The following NFIB variants were observed in gnomAD, a reference collection of about 807,000 sequenced individuals.
NFIB encodes the protein nuclear factor 1 B-type.
In NFIB, 11 loss-of-function variants were observed where a neutral mutation model predicts 61.5. That is an observed-to-expected ratio of 0.18 (90% CI 0.11 to 0.30). NFIB has a LOEUF of 0.30. Among genes scored for constraint, NFIB ranks in the 10% least tolerant of loss-of-function variants. NFIB has a pLI of 1.00. For synonymous variants in NFIB, 260 were observed against 216.5 expected (o/e 1.20, Z -1.76); for missense variants, 471 against 608.9 (o/e 0.77, Z 2.38).
At chr9:14,152,201 C>T (rs1186631694) in intron 4 of NFIB, among the ~76,000 whole-genome samples, 1 of 152,014 alleles carries the variant, frequency 6.6e-6, no homozygotes, top group Non-Finnish European at 1.5e-5. Context: ...ATCTATCAGC[C>T]TTCTGATAGA....
intron 1 of NFIB, among the ~76,000 whole-genome samples, chr9:14,395,641 AC>A: frequency 6.8e-6 from 1 of 147,256 alleles, no homozygotes; most frequent in African/African-American, 2.5e-5. Context: ...TCATTCTCCA[AC>A]CCAGTGGTTG....
At chr9:14,207,927 G>C (rs190853454) in intron 2 of NFIB, among the ~76,000 whole-genome samples, 1 of 152,222 alleles carries the variant, frequency 6.6e-6, no homozygotes, top group East Asian at 1.9e-4. Flanking sequence ...AAGAGCCCAA[G>C]GTCAAACATT....
chr9:14,367,817 G>T (rs2132961809), intron 1 of NFIB, among the ~76,000 whole-genome samples: 1 of 152,282 alleles, frequency 6.6e-6, no homozygotes, highest in East Asian at 1.9e-4. Context: ...CTCATAAGAG[G>T]GAGTTGAACA....
chr9:14,207,630 C>A lies in NFIB; in HGVS notation c.563-27850G>T, dbSNP rs116644659. 5.7e-3 allele frequency among the ~76,000 whole-genome samples: 870 copies of A among 152,336 alleles called. 14 individuals are homozygous for A. The highest frequency in any genetic ancestry group is 0.02 in the African/African-American group (834 of 41,568). ...AAGCCACTACCTTCCTCCTTCCCCA[C>A]AAACCTCTTCATCTCCCACCAAAGT... On this transcript the variant is annotated intron_variant, in intron 2 of 10. Coordinates refer to ENST00000380953, the MANE Select transcript of NFIB (RefSeq NM_001190737.2).
intron 2 of NFIB, among the ~76,000 whole-genome samples, chr9:14,217,447 G>A (rs918099346): frequency 3.3e-5 from 5 of 152,022 alleles, no homozygotes; most frequent in African/African-American, 1.2e-4. Context: ...GATCACCTGA[G>A]GTCAAGAGTT....
chr9:14,276,094 C>G (rs1194712002), intron 2 of NFIB, among the ~76,000 whole-genome samples: 1 of 151,836 alleles, frequency 6.6e-6, no homozygotes, highest in African/African-American at 2.4e-5. Flanking sequence ...TTTGTTTTGT[C>G]TTGTCAAGCA....
At chr9:14,257,477 C>G (rs1563950560) in intron 2 of NFIB, among the ~76,000 whole-genome samples, 1 of 152,156 alleles carries the variant, frequency 6.6e-6, no homozygotes, top group Non-Finnish European at 1.5e-5. Flanking sequence ...TAATTCTGGA[C>G]AGGTGCAGTG....
At chr9:14,295,533 A>G (rs1323921648) in intron 2 of NFIB, among the ~76,000 whole-genome samples, 1 of 152,070 alleles carries the variant, frequency 6.6e-6, no homozygotes, top group Non-Finnish European at 1.5e-5. Flanking sequence ...CGGCAAGCTG[A>G]GGCAGGAGAA....
At chr9:14,172,389 T>C (rs554169554) in intron 3 of NFIB, among the ~76,000 whole-genome samples, 4 of 152,002 alleles carry the variant, frequency 2.6e-5, no homozygotes, top group East Asian at 3.9e-4. Context: ...GAAGTTTCAA[T>C]AGACACAGAA....
At chr9:14,418,598 C>G in the NFIB span, among the ~76,000 whole-genome samples, 4 of 152,108 alleles carry the variant, frequency 2.6e-5, no homozygotes, top group African/African-American at 9.7e-5. Flanking sequence ...GCGTGTGAGC[C>G]CTGTGTCTCT....
intron 10 of NFIB, among the ~76,000 whole-genome samples, chr9:14,093,057 A>C (rs564145021): frequency 2.3e-4 from 35 of 152,066 alleles, no homozygotes; most frequent in Non-Finnish European, 4.1e-4. Flanking sequence ...CTTTTAGCTC[A>C]CTAACACCTA....
intron 2 of NFIB, among the ~76,000 whole-genome samples, chr9:14,218,533 G>C (rs1587695484): frequency 6.6e-6 from 1 of 152,258 alleles, no homozygotes; most frequent in East Asian, 1.9e-4. Flanking sequence ...ACTCCAAGTT[G>C]GGCTTCTAAC....
chr9:14,526,321 C>A, the NFIB span, among the ~76,000 whole-genome samples: 1 of 152,046 alleles, frequency 6.6e-6, no homozygotes, highest in Non-Finnish European at 1.5e-5. Flanking sequence ...AAATCTGTTC[C>A]ATTTATAAAG....
rs544162821 is a variant in NFIB, at chr9:14,125,737, G to A, written c.955C>T (p.Pro319Ser). ...DMSSPTTMKKPEKPLFSSASP... is the reference protein window; with the variant it reads ...DMSSPTTMKKSEKPLFSSASP... ...GCAGAGCTGAACAATGGCTTTTCAG[G>A]CTTCTTCATAGTAGTCGGAGAAGAC... Residue 319 changes from proline to serine, a missense_variant, in exon 7 of 11, where the codon CCT becomes TCT. By Grantham distance (74) the Pro-to-Ser change is moderately conservative. Around this residue, in one of 2 missense-constraint regions of NFIB, gnomAD observed 372 missense variants for 395.6 expected, o/e 0.94. Coordinates refer to ENST00000380953, the MANE Select transcript of NFIB (RefSeq NM_001190737.2). The A allele has an allele frequency of 1.1e-5, 17 of 1,613,978 alleles. No homozygotes were observed. Among genetic ancestry groups the A allele is most frequent in the Admixed American group, 5.0e-5 (3 of 60,002 alleles).
intron 2 of NFIB, among the ~76,000 whole-genome samples, chr9:14,219,373 C>T (rs540550874): frequency 9.3e-4 from 43 of 46,108 alleles, no homozygotes; most frequent in Non-Finnish European, 6.2e-4. Flanking sequence ...CATCTTGTAG[C>T]ACTAGGGTAA....
At chr9:14,090,602 T>A (rs2033734512) in intron 10 of NFIB, among the ~76,000 whole-genome samples, 2 of 152,034 alleles carry the variant, frequency 1.3e-5, no homozygotes, top group Non-Finnish European at 2.9e-5. Flanking sequence ...TCTTAACAAA[T>A]AAAATAAATT....
At chr9:14,167,251 C>T (rs944129562) in intron 3 of NFIB, among the ~76,000 whole-genome samples, 13 of 152,076 alleles carry the variant, frequency 8.5e-5, no homozygotes, top group African/African-American at 2.4e-4. Context: ...TATATGCATA[C>T]GTCAGAACTG....
intron 9 of NFIB, among the ~76,000 whole-genome samples, chr9:14,114,081 C>T (rs149906512): frequency 1.3e-5 from 2 of 152,222 alleles, no homozygotes; most frequent in East Asian, 3.9e-4. Flanking sequence ...ATGAGGAATC[C>T]AGGCTTCATT....
chr9:14,316,764 C>T (rs1410057357), upstream of NFIB, among the ~76,000 whole-genome samples: 2 of 151,872 alleles, frequency 1.3e-5, no homozygotes, highest in Non-Finnish European at 2.9e-5. Flanking sequence ...CTCACCCTCA[C>T]CAGATTCTGA....
Sources: gnomAD v4.1 joint callset for allele counts (sites outside exome capture counted in the v4.1 genomes callset) on GRCh38, gnomAD v4.1.1 for gene constraint, gnomAD v4.1.1 regional missense constraint, MANE v1.5 for transcripts, NCBI Gene and HGNC (gene_info 2026-07-23, HGNC 2026-07-21) for gene names.